The following NDUFAF6 variants were observed in gnomAD, a reference collection of about 807,000 sequenced individuals.
NDUFAF6 encodes NADH dehydrogenase (ubiquinone) complex I, assembly factor 6.
A neutral mutation model predicts 40.8 loss-of-function variants in NDUFAF6; 45 were observed. The ratio of observed to expected loss-of-function variants is 1.10; its 90% CI spans 0.87 to 1.42. The LOEUF (loss-of-function observed/expected upper bound fraction) is 1.42, where lower values mean the gene tolerates loss of function less well. Ranked by LOEUF, NDUFAF6 falls within the 40% of genes most tolerant of loss-of-function variation. The pLI is 0.00. For missense variants in NDUFAF6, 435 were observed against 418.5 expected, an observed-to-expected ratio of 1.04 and a Z score of -0.34; for synonymous variants, 185 against 155.9, an observed-to-expected ratio of 1.19 and a Z score of -1.39.
intron 1 of NDUFAF6, among the ~76,000 whole-genome samples, chr8:94,977,594 TG>T: frequency 1.1e-5 from 1 of 87,960 alleles, no homozygotes; most frequent in Non-Finnish European, 2.8e-5. Context: ...AGCACCCTGC[TG>T]GGTTCTCTCT....
chr8:94,914,423 G>A (rs1818990586), intron 1 of NDUFAF6, among the ~76,000 whole-genome samples: 1 of 152,094 alleles, frequency 6.6e-6, no homozygotes, highest in African/African-American at 2.4e-5. Flanking sequence ...GCCTGGGTGA[G>A]TTACATGTAC....
At chr8:95,025,236 G>A in intron 1 of NDUFAF6, 31 bp downstream of exon 1, 1 of 1,366,208 alleles carries the variant, frequency 7.3e-7, no homozygotes, top group Non-Finnish European at 9.4e-7. Flanking sequence ...CTGGCGCGGC[G>A]GGAAGCGGGG....
chr8:94,938,606 C>T (rs969698392), intron 1 of NDUFAF6, among the ~76,000 whole-genome samples: 1 of 152,130 alleles, frequency 6.6e-6, no homozygotes, highest in Non-Finnish European at 1.5e-5. Context: ...CACCAATGGC[C>T]AATGATTTAA....
intron 2 of NDUFAF6, among the ~76,000 whole-genome samples, chr8:94,951,950 C>A (rs900537348): frequency 1.3e-5 from 2 of 152,214 alleles, no homozygotes; most frequent in Non-Finnish European, 2.9e-5. Context: ...CTGACAAAGA[C>A]CCAGCCAGGT....
At chr8:94,941,300 A>C (rs1439253593) in intron 1 of NDUFAF6, among the ~76,000 whole-genome samples, 1 of 152,216 alleles carries the variant, frequency 6.6e-6, no homozygotes, top group Non-Finnish European at 1.5e-5. Flanking sequence ...AATATCTTAA[A>C]ATGTGAAATA....
intron 1 of NDUFAF6, chr8:94,929,096 G>A (rs575290551): frequency 4.6e-5 from 7 of 152,610 alleles, no homozygotes; most frequent in African/African-American, 9.7e-5. Flanking sequence ...ACTGGCCTAC[G>A]TGTGAATCGA....
chr8:94,981,187 C>G (rs1164324605), intron 2 of NDUFAF6, among the ~76,000 whole-genome samples: 1 of 152,208 alleles, frequency 6.6e-6, no homozygotes, highest in Non-Finnish European at 1.5e-5. Context: ...AGTTCTTGTT[C>G]TCTCAGTTCT....
upstream of NDUFAF6, among the ~76,000 whole-genome samples, chr8:94,955,275 G>T (rs1190633201): frequency 6.6e-6 from 1 of 152,222 alleles, no homozygotes; most frequent in Admixed American, 6.5e-5. Context: ...ATTTCTTACA[G>T]TTGTGGAGTC....
At chr8:95,071,124 C>T (rs1832834188) in intron 9 of NDUFAF6, among the ~76,000 whole-genome samples, 1 of 152,046 alleles carries the variant, frequency 6.6e-6, no homozygotes, top group East Asian at 1.9e-4. Flanking sequence ...GGCGCGGTGG[C>T]TCAAGCCTGT....
intron 2 of NDUFAF6, among the ~76,000 whole-genome samples, chr8:95,084,849 A>G (rs1350788189): frequency 2.6e-5 from 4 of 152,348 alleles, no homozygotes; most frequent in South Asian, 4.1e-4. Context: ...AACTTGAGAA[A>G]GAACTGGGGA....
At chr8:95,029,207 A>G (rs963036589) in intron 1 of NDUFAF6, among the ~76,000 whole-genome samples, 12 of 152,214 alleles carry the variant, frequency 7.9e-5, no homozygotes, top group East Asian at 1.9e-4. Context: ...GAAGGTTCCA[A>G]TGTATTAAAG....
chr8:95,078,084 G>T (rs1329649653), downstream of NDUFAF6, among the ~76,000 whole-genome samples: 1 of 152,124 alleles, frequency 6.6e-6, no homozygotes, highest in Non-Finnish European at 1.5e-5. Flanking sequence ...CAGAGAAGAG[G>T]CTAAACAGTG....
At position 95,039,409 on chromosome 8, in the gene NDUFAF6, C is replaced by T. The variant is rs1393738188; in HGVS notation, c.421-2161C>T. Among the ~76,000 whole-genome samples, 8 of 151,370 alleles carry T rather than the reference C, an allele frequency of 5.3e-5. No homozygotes were observed. The South Asian group carries it at 1.3e-3, about 24-fold the overall frequency. On this transcript the variant is annotated intron_variant, in intron 3 of 8. Coordinates refer to ENST00000396124, the MANE Select transcript of NDUFAF6 (RefSeq NM_152416.4). ...TGGAGGTTGCAGTGAGCCAAGATTGCGCCATTGCACTCCAGCCTGGCGACA... is the reference window on the plus strand; with the variant it reads ...TGGAGGTTGCAGTGAGCCAAGATTGTGCCATTGCACTCCAGCCTGGCGACA...
chr8:95,006,546 T>C (rs1826994695), intron 2 of NDUFAF6, among the ~76,000 whole-genome samples: 1 of 152,078 alleles, frequency 6.6e-6, no homozygotes, highest in African/African-American at 2.4e-5. Context: ...CATGCTATTG[T>C]TATAAGTTTA....
At chr8:94,932,044 C>T (rs1383273275) in intron 1 of NDUFAF6, 3 of 1,603,338 alleles carry the variant, frequency 1.9e-6, no homozygotes, top group Admixed American at 1.7e-5. Context: ...ACATATATCA[C>T]ACAGTCTCAA....
intron 1 of NDUFAF6, among the ~76,000 whole-genome samples, chr8:94,903,980 T>C (rs1014156906): frequency 4.6e-5 from 7 of 152,126 alleles, no homozygotes; most frequent in African/African-American, 1.7e-4. Flanking sequence ...ACCTCTGACC[T>C]GCCCCTGGCT....
chr8:94,992,858 G>A (rs1043624886), intron 2 of NDUFAF6, among the ~76,000 whole-genome samples: 9 of 152,184 alleles, frequency 5.9e-5, no homozygotes, highest in African/African-American at 9.7e-5. Flanking sequence ...GTTGAATGCC[G>A]ATGATGCACA....
At chr8:95,078,660 A>ATATATATATATATATATATATATAT (rs542717810), downstream of NDUFAF6, 3 of 58,608 alleles carry the variant, frequency 5.1e-5, no homozygotes, top group African/African-American at 1.6e-4. Flanking sequence ...AAAAAAAAAA[A>ATATATATATATATATATATATATAT]AAATATATAT....
intron 1 of NDUFAF6, among the ~76,000 whole-genome samples, chr8:94,974,220 G>GTTT (rs573760921): frequency 1.2e-3 from 173 of 140,402 alleles, no homozygotes; most frequent in African/African-American, 4.2e-3. Context: ...AGCCAAATCT[G>GTTT]TTTTTTTTTT....
Sources: allele counts gnomAD v4.1 joint callset (sites outside exome capture counted in the v4.1 genomes callset), GRCh38; gene constraint gnomAD v4.1.1; transcripts MANE v1.5; gene names NCBI Gene and HGNC (gene_info 2026-07-23, HGNC 2026-07-21).